Variants in ASIC2 observed in about 807,000 individuals in gnomAD.
ASIC2 encodes acid sensing ion channel subunit 2, also known as acid-sensing ion channel 2.
A neutral mutation model predicts 57.3 loss-of-function variants in ASIC2; 25 were observed. That is an observed-to-expected ratio of 0.44 (90% CI 0.32 to 0.61). The LOEUF (loss-of-function observed/expected upper bound fraction) is 0.61. Among genes scored for constraint, ASIC2 ranks in the 20% least tolerant of loss-of-function variants. The pLI, the probability that ASIC2 is intolerant of heterozygous loss-of-function variation, is 0.06. For synonymous variants in ASIC2, 319 were observed against 307.5 expected (o/e 1.04, Z -0.39); for missense variants, 641 against 738.1 (o/e 0.87, Z 1.52).
At chr17:33,297,475 A>G (rs1386273567), upstream of ASIC2, among the ~76,000 whole-genome samples, 1 of 152,114 alleles carries the variant, frequency 6.6e-6, no homozygotes, top group African/African-American at 2.4e-5. Flanking sequence ...TGCTGTATGC[A>G]CTTTCTTTTA....
intron 1 of ASIC2, among the ~76,000 whole-genome samples, chr17:33,133,313 G>A (rs2092354776): frequency 6.6e-6 from 1 of 152,210 alleles, no homozygotes; most frequent in African/African-American, 2.4e-5. Context: ...GGGTGCTCTG[G>A]GAGCAGTGAG....
At chr17:33,942,273 A>G (rs950243259) in intron 1 of ASIC2, among the ~76,000 whole-genome samples, 4 of 152,122 alleles carry the variant, frequency 2.6e-5, no homozygotes, top group Admixed American at 2.6e-4. Context: ...CAGCATCACT[A>G]TTCACCTCCT....
intron 1 of ASIC2, among the ~76,000 whole-genome samples, chr17:33,708,833 T>C (rs545145416): frequency 1.9e-4 from 29 of 152,290 alleles, no homozygotes; most frequent in African/African-American, 7.0e-4. Flanking sequence ...TTTACCCAAC[T>C]CTGACTCCCT....
At chr17:33,233,510 A>G (rs1908182721) in intron 1 of ASIC2, among the ~76,000 whole-genome samples, 1 of 136,728 alleles carries the variant, frequency 7.3e-6, no homozygotes, top group African/African-American at 3.1e-5. Context: ...ACGGAATTGG[A>G]AATTCACACA....
chr17:33,702,825 TC>T (rs560746903), intron 1 of ASIC2, among the ~76,000 whole-genome samples: 73 of 152,338 alleles, frequency 4.8e-4, no homozygotes, highest in African/African-American at 1.6e-3. Context: ...ATTTAATGAT[TC>T]ATTCACTCAA....
intron 1 of ASIC2, among the ~76,000 whole-genome samples, chr17:33,704,020 T>A (rs1908788523): frequency 6.6e-6 from 1 of 152,156 alleles, no homozygotes; most frequent in Non-Finnish European, 1.5e-5. Context: ...GTCACTGTTC[T>A]CTCCCTACTT....
chr17:33,681,059 G>T (rs1316286704), intron 1 of ASIC2, among the ~76,000 whole-genome samples: 2 of 152,156 alleles, frequency 1.3e-5, no homozygotes, highest in Non-Finnish European at 2.9e-5. Flanking sequence ...AAGCTCAGTG[G>T]TCTCTGGTCC....
chr17:33,590,353 T>G (rs1904786027), intron 1 of ASIC2, among the ~76,000 whole-genome samples: 1 of 152,124 alleles, frequency 6.6e-6, no homozygotes, highest in Admixed American at 6.5e-5. Flanking sequence ...GTCCTCTTTG[T>G]TAGGACCATT....
At chr17:33,432,172 C>T (rs1911442740) in intron 1 of ASIC2, among the ~76,000 whole-genome samples, 1 of 152,186 alleles carries the variant, frequency 6.6e-6, no homozygotes, top group Non-Finnish European at 1.5e-5. Context: ...GCAAGACCTC[C>T]TCTTCCTCCT....
chr17:33,464,912 G>T (rs550021943), intron 1 of ASIC2, among the ~76,000 whole-genome samples: 8 of 151,872 alleles, frequency 5.3e-5, no homozygotes, highest in African/African-American at 1.9e-4. Flanking sequence ...TACCAACAAG[G>T]CACTTTTTTT....
chr17:33,735,244 C>A (rs1909875960), intron 1 of ASIC2, among the ~76,000 whole-genome samples: 1 of 152,152 alleles, frequency 6.6e-6, no homozygotes, highest in African/African-American at 2.4e-5. Context: ...ACAAGAGCCC[C>A]TCCATGGAGA....
intron 1 of ASIC2, among the ~76,000 whole-genome samples, chr17:33,480,439 GA>G (rs770403417): frequency 1.3e-5 from 2 of 152,166 alleles, no homozygotes; most frequent in Admixed American, 6.5e-5. Context: ...AGTCTGCAGG[GA>G]AGCAAACTGC....
chr17:33,845,428 T>C (rs976701668), intron 1 of ASIC2, among the ~76,000 whole-genome samples: 1 of 152,086 alleles, frequency 6.6e-6, no homozygotes, highest in African/African-American at 2.4e-5. Context: ...AACTTGGAGG[T>C]ATGCAGTGGG....
chr17:33,560,164 G>C (rs1165942102), intron 1 of ASIC2, among the ~76,000 whole-genome samples: 1 of 152,200 alleles, frequency 6.6e-6, no homozygotes, highest in Non-Finnish European at 1.5e-5. Context: ...TTCACAGACA[G>C]ACAGATGGAC....
At chr17:33,263,490 G>A (rs979345356) in intron 1 of ASIC2, among the ~76,000 whole-genome samples, 9 of 152,322 alleles carry the variant, frequency 5.9e-5, no homozygotes, top group African/African-American at 2.2e-4. Context: ...GGGAGGAGGC[G>A]CTGGAGCCCC....
chr17:34,001,777 A>G (rs1906349859), intron 1 of ASIC2: 1 of 152,214 alleles, frequency 6.6e-6, no homozygotes, highest in Admixed American at 6.5e-5. Flanking sequence ...TGTTTAGTGC[A>G]TCTTTTCTTA....
At chr17:33,496,203 G>A (rs1172232990) in intron 1 of ASIC2, among the ~76,000 whole-genome samples, 4 of 152,172 alleles carry the variant, frequency 2.6e-5, no homozygotes, top group Non-Finnish European at 5.9e-5. Flanking sequence ...GACAGGATGA[G>A]GGCTTGGACC....
At chr17:33,446,833 T>C (rs1467827277) in intron 1 of ASIC2, among the ~76,000 whole-genome samples, 1 of 152,250 alleles carries the variant, frequency 6.6e-6, no homozygotes, top group Non-Finnish European at 1.5e-5. Context: ...TTCTTGGCGC[T>C]GCCTCTTAGT....
intron 1 of ASIC2, among the ~76,000 whole-genome samples, chr17:33,697,343 G>A (rs1284202222): frequency 6.6e-6 from 1 of 152,188 alleles, no homozygotes; most frequent in Non-Finnish European, 1.5e-5. Context: ...CTTTGAGTAG[G>A]CTAAGGAGGA....
Sources: gnomAD v4.1 joint callset for allele counts (sites outside exome capture counted in the v4.1 genomes callset) on GRCh38, gnomAD v4.1.1 for gene constraint, MANE v1.5 for transcripts, NCBI Gene and HGNC (gene_info 2026-07-23, HGNC 2026-07-21) for gene names.